MUC17: variants seen among roughly 807,000 people sequenced by gnomAD.
MUC17 encodes the protein mucin 17, cell surface associated.
MUC17 carries 190 observed loss-of-function variants against 170.3 expected under a neutral mutation model. The observed-to-expected ratio is 1.12, with a 90% CI of 0.99 to 1.26. The LOEUF (loss-of-function observed/expected upper bound fraction) is 1.26. Among genes scored for constraint, MUC17 ranks in the 50% most tolerant of loss-of-function variants. The pLI, the probability that MUC17 is intolerant of heterozygous loss-of-function variation, is 0.00. For missense variants in MUC17, 6,415 were observed against 5,530.0 expected, an observed-to-expected ratio of 1.16 and a Z score of -5.08; for synonymous variants, 2,325 against 2,002.5, an observed-to-expected ratio of 1.16 and a Z score of -4.30.
intron 12 of MUC17, among the ~76,000 whole-genome samples, chr7:101,056,982 G>A (rs117192050): frequency 0.016 from 2,453 of 151,862 alleles, 38 homozygotes; most frequent in Middle Eastern, 0.024. Context: ...TGGTTGTCTT[G>A]AAAAATGTCT....
rs535882664 is a variant in MUC17, at chr7:101,040,002, A to C, written c.8586A>C (p.Ser2862=). Residue 2862 remains serine (S), a synonymous_variant, in exon 3 of 13, where the codon TCA becomes TCC. Transcript: ENST00000306151. ...CTGAAGGTATCGTCGTGCCAATCTC[A>C]ACTGCTAGTGAAGGAAGTACTCTAT... ...TTAEGIVVPI[S]TASEGSTLLT... is the part of the protein sequence containing the mutation. 5.7e-5 allele frequency: 92 copies of C among 1,612,944 alleles called. 3 individuals are homozygous for C. In the South Asian group the frequency reaches 9.0e-4, roughly 16 times the overall value.
rs775448898 is a variant in MUC17 at position 101,038,283 on chromosome 7, G to A, written c.6867G>A (p.Thr2289=). The A allele has an allele frequency of 6.2e-6, 10 of 1,613,270 alleles. No individual in the cohort carries two copies. The highest frequency in any genetic ancestry group is 1.3e-5 in the African/African-American group (1 of 74,800). Residue 2289 remains threonine (T), a synonymous_variant, in exon 3 of 13, where the codon ACG becomes ACA. Coordinates refer to ENST00000306151, the MANE Select transcript of MUC17 (RefSeq NM_001040105.2). ...TPLTSIPVSH[T]LVANSEVSTL... ...TAACAAGTATACCTGTCAGCCACAC[G>A]CTGGTGGCCAATTCTGAGGTTAGCA...
rs1794676978 is a variant in MUC17 at position 101,040,862 on chromosome 7, C to G, written c.9446C>G (p.Ser3149Cys). Residue 3149 changes from serine (S) to cysteine (C), a missense_variant, in exon 3 of 13, where the codon TCT becomes TGT. Coordinates refer to ENST00000306151, the MANE Select transcript of MUC17 (RefSeq NM_001040105.2). The part of the protein sequence containing the change: ...STEAHSSPTT[S>C]EGTSMPTSTP... The stretch of plus-strand genomic sequence containing the variant: ...GAAGCCCATTCATCTCCTACAACTT[C>G]TGAAGGTACCAGCATGCCAACCTCA... 1 of 1,613,706 alleles carries G rather than the reference C, an allele frequency of 6.2e-7. No individual in the cohort carries two copies. Among genetic ancestry groups the G allele is most frequent in the East Asian group, 2.2e-5 (1 of 44,866 alleles).
chr7:101,034,044 G>T lies in MUC17; in HGVS notation c.2628G>T (p.Leu876=), dbSNP rs189799131. The change falls in exon 3 of 13, where the codon CTG becomes CTT. Residue 876 remains leucine, a synonymous_variant. Coordinates refer to ENST00000306151, the MANE Select transcript of MUC17 (RefSeq NM_001040105.2). ...PLTSMPVSTT[L]VATSAISTLS... is the part of the protein sequence containing the mutation. The stretch of plus-strand genomic sequence containing the variant: ...CAAGTATGCCTGTCAGCACCACACT[G>T]GTGGCCACTTCTGCAATCAGCACCC... 3 of 1,601,312 alleles carry T rather than the reference G, an allele frequency of 1.9e-6. No individual in the cohort carries two copies. The highest frequency in any genetic ancestry group is 2.7e-5 in the African/African-American group (2 of 74,090).
chr7:101,020,179 T>C lies in MUC17; in HGVS notation c.44T>C (p.Val15Ala). ...GTMALCLLTL[V>A]LSLLPPQAAA... is the part of the protein sequence containing the mutation. ...ATGGCGCTGTGTCTGCTGACCTTGGTCCTCTCGCTCTTGCCCCCACAAGCT... is the reference window on the plus strand; with the variant it reads ...ATGGCGCTGTGTCTGCTGACCTTGGCCCTCTCGCTCTTGCCCCCACAAGCT... Residue 15 changes from valine (V) to alanine (A), a missense_variant, in exon 1 of 13, where the codon GTC (valine) becomes GCC (alanine). Physicochemically the swap from Val to Ala is moderately conservative, Grantham distance 64. Transcript: ENST00000306151. 1 of 1,609,522 alleles carries C rather than the reference T, an allele frequency of 6.2e-7. No homozygotes were observed. The highest frequency in any genetic ancestry group is 8.5e-7 in the Non-Finnish European group (1 of 1,177,998).
chr7:101,039,988 G>T lies in MUC17; in HGVS notation c.8572G>T (p.Val2858Phe), dbSNP rs116365680. ...ATCTCCTACAACTGCTGAAGGTATCGTCGTGCCAATCTCAACTGCTAGTGA... is the reference window on the plus strand; with the variant it reads ...ATCTCCTACAACTGCTGAAGGTATCTTCGTGCCAATCTCAACTGCTAGTGA... ...SSSPTTAEGI[V>F]VPISTASEGS... Residue 2858 changes from valine (V) to phenylalanine (F), a missense_variant, in exon 3 of 13, where the codon GTC becomes TTC. Val to Phe is a conservative substitution (Grantham distance 50). Coordinates refer to ENST00000306151, the MANE Select transcript of MUC17 (RefSeq NM_001040105.2). The T allele has an allele frequency of 4.4e-6, 7 of 1,604,804 alleles. No homozygotes were observed. The Admixed American group carries it at 1.0e-4, about 23-fold the overall frequency.
In MUC17 at chr7:101,040,908, T is replaced by G; in HGVS notation, c.9492T>G (p.Thr3164=). 6.2e-7 allele frequency: 1 copy of G among 1,613,190 alleles called. No homozygotes were observed. Among genetic ancestry groups the G allele is most frequent in the Non-Finnish European group, 8.5e-7 (1 of 1,179,924 alleles). ...CCTCAACTCCTAGTGAAGGAAGTAC[T>G]CCATTAACATATATGCCTGTCAGCA... is the stretch of plus-strand genomic sequence containing the variant. ...MPTSTPSEGS[T]PLTYMPVSTM... is the part of the protein sequence containing the mutation. Residue 3164 remains threonine (T), a synonymous_variant, in exon 3 of 13, where the codon ACT becomes ACG. Transcript: ENST00000306151.
chr7:101,031,788 C>T lies in MUC17; in HGVS notation c.372C>T (p.Asp124=). The T allele has an allele frequency of 1.2e-6, 2 of 1,607,306 alleles. No individual in the cohort carries two copies. The highest frequency in any genetic ancestry group is 1.7e-6 in the Non-Finnish European group (2 of 1,173,784). ...ESRTTSESTS[D]STTLFPSSTE... The stretch of plus-strand genomic sequence containing the variant: ...GAACAACTTCAGAATCTACCAGTGA[C>T]AGCACCACACTTTTCCCCAGTTCTA... The change falls in exon 3 of 13, where the codon GAC becomes GAT. Residue 124 remains aspartate, a synonymous_variant. Transcript: ENST00000306151.
rs1315613728 is a variant in MUC17 at position 101,032,471 on chromosome 7, G to A, written c.1055G>A (p.Ser352Asn). 1 of 1,613,950 alleles carries A rather than the reference G, an allele frequency of 6.2e-7. No individual in the cohort carries two copies. The highest frequency in any genetic ancestry group is 1.3e-5 in the African/African-American group (1 of 74,990). Residue 352 changes from serine to asparagine, a missense_variant, in exon 3 of 13, where the codon AGC (serine) becomes AAC (asparagine). Coordinates refer to ENST00000306151, the MANE Select transcript of MUC17 (RefSeq NM_001040105.2). ...ATGCCGGTTGCCACTTCTGAAATGA[G>A]CACACTTTCAATAACTCCTGTTGAC... ...STMPVATSEM[S>N]TLSITPVDTS...
rs142455124 is a variant in MUC17 at position 101,054,788 on chromosome 7, C to T, written c.13363+1352C>T. Among the ~76,000 whole-genome samples the T allele has an allele frequency of 6.2e-3, 938 of 152,276 alleles. 6 individuals are homozygous for T. The highest frequency in any genetic ancestry group is 0.022 in the African/African-American group (901 of 41,574). The stretch of plus-strand genomic sequence containing the variant: ...GAGCTATGATTGCACCACTGCACTC[C>T]AACCTGGGCAACAGAGCAAGACCCT... On this transcript the variant is annotated intron_variant, in intron 11 of 12. Transcript: ENST00000306151.
In MUC17 at chr7:101,043,064, C is replaced by T. The variant is rs761841315; in HGVS notation, c.11648C>T (p.Thr3883Ile). Residue 3883 changes from threonine (T) to isoleucine (I), a missense_variant, in exon 3 of 13, where the codon ACC (threonine) becomes ATC (isoleucine). Coordinates refer to ENST00000306151, the MANE Select transcript of MUC17 (RefSeq NM_001040105.2). ...STPLTTLLVS[T>I]TLPTSFPGAS... ...CCATTAACAACTCTCCTTGTCAGCA[C>T]CACACTTCCAACTAGCTTTCCTGGG... 2 of 1,614,098 alleles carry T rather than the reference C, an allele frequency of 1.2e-6. No homozygotes were observed. The highest frequency in any genetic ancestry group is 1.3e-5 in the African/African-American group (1 of 74,928).
chr7:101,037,251 C>A lies in MUC17; in HGVS notation c.5835C>A (p.Thr1945=). 1 of 1,592,860 alleles carries A rather than the reference C, an allele frequency of 6.3e-7. No homozygotes were observed. Among genetic ancestry groups the A allele is most frequent in the Non-Finnish European group, 8.5e-7 (1 of 1,171,214 alleles). The change falls in exon 3 of 13, where the codon ACC becomes ACA. Residue 1945 remains threonine (T), a synonymous_variant. Coordinates refer to ENST00000306151, the MANE Select transcript of MUC17 (RefSeq NM_001040105.2). ...CAGTGGCCAGTTCTGAAATCAACAC[C>A]CTTTCAACAACTCTTGCTGACACCA... The part of the protein sequence containing the change: ...TTTVASSEIN[T]LSTTLADTRT...
At chr7:101,056,100 C>T in intron 11 of MUC17, 94 bp from the exon 12 acceptor site, 1 of 1,560,062 alleles carries the variant, frequency 6.4e-7, no homozygotes, top group Non-Finnish European at 8.7e-7. Context: ...TAGAGAAAAA[C>T]TGTCTCATCC....
chr7:101,022,950 C>A (rs537227218), intron 1 of MUC17, among the ~76,000 whole-genome samples: 1 of 152,288 alleles, frequency 6.6e-6, no homozygotes, highest in East Asian at 1.9e-4. Flanking sequence ...CTGGGGCTGT[C>A]ATTATAAAGC....
chr7:101,039,071 T>C lies in MUC17; in HGVS notation c.7655T>C (p.Ile2552Thr), dbSNP rs1307582323. ...AGTCCTGTGGTCACTTCTACTGAAA[T>C]CAGTTCATCTGCTACATCCGCTGAA... ...SNSPVVTSTE[I>T]SSSATSAEGT... Residue 2552 changes from isoleucine to threonine, a missense_variant, in exon 3 of 13, where the codon ATC becomes ACC. Physicochemically the swap from Ile to Thr is moderately conservative, Grantham distance 89. Coordinates refer to ENST00000306151, the MANE Select transcript of MUC17 (RefSeq NM_001040105.2). The C allele has an allele frequency of 2.5e-6, 4 of 1,604,290 alleles. No individual in the cohort carries two copies. The highest frequency in any genetic ancestry group is 3.4e-6 in the Non-Finnish European group (4 of 1,176,798).
intron 3 of MUC17, among the ~76,000 whole-genome samples, chr7:101,047,248 A>G (rs1794858657): frequency 6.6e-6 from 1 of 152,148 alleles, no homozygotes; most frequent in African/African-American, 2.4e-5. Context: ...AGGAACAACG[A>G]CCATCTAATT....
Position 101,031,707 on chromosome 7 carries a change from T to A in MUC17, c.291T>A (p.Ser97Arg). Residue 97 changes from serine (S) to arginine (R), a missense_variant, in exon 3 of 13, where the codon AGT becomes AGA. By Grantham distance (110) the Ser-to-Arg change is moderately radical. Transcript: ENST00000306151. ...TNPEMTSIES[S>R]VTSDTPGVSS... is the part of the protein sequence containing the mutation. ...CTGAGATGACCTCGATTGAGTCCAG[T>A]GTGACTTCAGACACTCCTGGTGTCT... The A allele has an allele frequency of 1.2e-6, 2 of 1,612,500 alleles. No individual in the cohort carries two copies. Among genetic ancestry groups the A allele is most frequent in the Non-Finnish European group, 1.7e-6 (2 of 1,178,970 alleles).
chr7:101,037,854 T>G lies in MUC17; in HGVS notation c.6438T>G (p.Thr2146=). Residue 2146 remains threonine (T), a synonymous_variant, in exon 3 of 13, where the codon ACT becomes ACG. Transcript: ENST00000306151. The part of the protein sequence containing the change: ...STEVSSSPIP[T]EGTSMQTSTY... ...AAGTCAGTTCATCTCCTATACCTACTGAAGGTACCAGCATGCAAACCTCAA... is the reference window on the plus strand; with the variant it reads ...AAGTCAGTTCATCTCCTATACCTACGGAAGGTACCAGCATGCAAACCTCAA... The G allele has an allele frequency of 3.1e-6, 5 of 1,610,312 alleles. No individual in the cohort carries two copies. The highest frequency in any genetic ancestry group is 4.2e-6 in the Non-Finnish European group (5 of 1,178,026).
In MUC17 at chr7:101,036,595, G is replaced by T; in HGVS notation, c.5179G>T (p.Ala1727Ser). The T allele has an allele frequency of 6.2e-7, 1 of 1,613,116 alleles. No individual in the cohort carries two copies. Among genetic ancestry groups the T allele is most frequent in the Non-Finnish European group, 8.5e-7 (1 of 1,179,580 alleles). The change falls in exon 3 of 13, where the codon GCC (alanine) becomes TCC (serine). Residue 1727 changes from alanine (A) to serine (S), a missense_variant. Transcript: ENST00000306151. ...NSTPVTTSTEARSSPTTSEGT... is the reference protein window; with the variant it reads ...NSTPVTTSTESRSSPTTSEGT... Reference sequence around the variant, plus strand: ...CACACCTGTGACCACTTCTACTGAAGCCCGTTCATCTCCTACAACTTCTGA... The same window carrying T: ...CACACCTGTGACCACTTCTACTGAATCCCGTTCATCTCCTACAACTTCTGA...
Sources: allele counts gnomAD v4.1 joint callset (sites outside exome capture counted in the v4.1 genomes callset), GRCh38; gene constraint gnomAD v4.1.1; transcripts MANE v1.5; gene names NCBI Gene and HGNC (gene_info 2026-07-23, HGNC 2026-07-21).